The following ITFG1 variants were observed in gnomAD, a reference collection of about 807,000 sequenced individuals.
The protein encoded by ITFG1 is T-cell immunomodulatory protein.
A neutral mutation model predicts 81.8 loss-of-function variants in ITFG1; 34 were observed. The observed-to-expected ratio is 0.42, with a 90% confidence interval of 0.32 to 0.55. ITFG1 has a LOEUF of 0.55. Ranked by LOEUF, ITFG1 falls within the 20% of genes least tolerant of loss-of-function variation. The pLI, the probability that ITFG1 is intolerant of heterozygous loss-of-function variation, is 0.17. For missense variants in ITFG1, 672 were observed against 755.4 expected (o/e 0.89, Z 1.29); for synonymous variants, 285 against 270.6 (o/e 1.05, Z -0.52).
chr16:47,188,573 T>C (rs904197454), intron 14 of ITFG1, among the ~76,000 whole-genome samples: 1 of 127,400 alleles, frequency 7.8e-6, no homozygotes, highest in Non-Finnish European at 1.6e-5. Flanking sequence ...TGAGAACACA[T>C]GGACAGAGGA....
At chr16:47,285,171 C>A (rs950505379) in intron 10 of ITFG1, among the ~76,000 whole-genome samples, 4 of 152,242 alleles carry the variant, frequency 2.6e-5, no homozygotes, top group African/African-American at 9.6e-5. Flanking sequence ...CCTTTCTGAT[C>A]CTGGGTCTTA....
chr16:47,340,788 A>G (rs971697435), intron 8 of ITFG1, among the ~76,000 whole-genome samples: 4 of 152,224 alleles, frequency 2.6e-5, no homozygotes, highest in African/African-American at 7.2e-5. Context: ...CTCTACATAG[A>G]AAAACACAAA....
intron 13 of ITFG1, among the ~76,000 whole-genome samples, chr16:47,225,709 C>T (rs1306384859): frequency 6.6e-6 from 1 of 152,002 alleles, no homozygotes; most frequent in Non-Finnish European, 1.5e-5. Flanking sequence ...AAATATCCTT[C>T]AAAAATGGGG....
intron 16 of ITFG1, among the ~76,000 whole-genome samples, chr16:47,160,187 T>TAAAAAAA (rs34363166): frequency 8.7e-6 from 1 of 115,550 alleles, no homozygotes; most frequent in African/African-American, 3.2e-5. Flanking sequence ...AGTGTTTTGG[T>TAAAAAAA]AAAAAAAAAA....
Position 47,337,137 on chromosome 16 carries a change from CAAAAAAAA to C in ITFG1, c.803-23322_803-23315del, listed in dbSNP as rs5816576. On this transcript the variant is annotated intron_variant, in intron 8 of 17. Transcript: ENST00000320640. ...TGGGTGACAAGAGCGAACTCTGTCTCAAAAAAAAAAAAAAAAGAAAAAGAAAAAAAAAG... is the reference window on the plus strand; with the variant it reads ...TGGGTGACAAGAGCGAACTCTGTCTCAAAAAAAAGAAAAAGAAAAAAAAAG... 8.6e-5 allele frequency among the ~76,000 whole-genome samples: 7 copies of C among 81,090 alleles called. 1 individual carries two copies. In the East Asian group the frequency reaches 2.0e-3, roughly 23 times the overall value. 53.2% of individuals were successfully genotyped at this position (81,090 alleles called of 152,430 possible). A position where few individuals can be genotyped will look rare whatever the true frequency, so the allele number is the denominator to read the frequency against.
chr16:47,163,270 C>A (rs1428715485), intron 14 of ITFG1, among the ~76,000 whole-genome samples: 1 of 152,176 alleles, frequency 6.6e-6, no homozygotes, highest in Non-Finnish European at 1.5e-5. Flanking sequence ...AAAGAAACTC[C>A]ATACACATGA....
intron 8 of ITFG1, among the ~76,000 whole-genome samples, chr16:47,353,573 A>G (rs936965401): frequency 6.6e-6 from 1 of 152,152 alleles, no homozygotes. Context: ...AAAGATATTA[A>G]AAGATATTCA....
rs77785112 is a variant in ITFG1 at position 47,372,928 on chromosome 16, C to T, written c.720+2948G>A. 2.0e-5 allele frequency among the ~76,000 whole-genome samples: 3 copies of T among 152,264 alleles called. No homozygotes were observed. The East Asian group carries it at 5.8e-4, about 29-fold the overall frequency. ...TAAATTTACTATAAACTTTAATCTCCCTACGTCCAGATGTTGCATGCTAAC... is the reference window on the plus strand; with the variant it reads ...TAAATTTACTATAAACTTTAATCTCTCTACGTCCAGATGTTGCATGCTAAC... On this transcript the variant is annotated intron_variant, in intron 7 of 17. Transcript: ENST00000320640.
chr16:47,323,554 A>T (rs1441961163), intron 8 of ITFG1, among the ~76,000 whole-genome samples: 1 of 152,194 alleles, frequency 6.6e-6, no homozygotes, highest in African/African-American at 2.4e-5. Context: ...TTTCTTTCTA[A>T]ATTACCCAGT....
chr16:47,441,682 AAAT>A (rs1436068031), intron 5 of ITFG1, among the ~76,000 whole-genome samples: 1 of 151,876 alleles, frequency 6.6e-6, no homozygotes, highest in African/African-American at 2.4e-5. Flanking sequence ...ACATATCTCA[AAAT>A]AATAAGAGCT....
In ITFG1 at chr16:47,169,720, G is replaced by A. The variant is rs568782775; in HGVS notation, c.1454-7056C>T. ...TAAGTGTAGGAATTCCAGTAAAAAG[G>A]TGAATAGCAGGAGTGAAAGTGGGCA... On this transcript the variant is annotated intron_variant, in intron 14 of 17. Transcript: ENST00000320640. Among the ~76,000 whole-genome samples, 6 of 152,228 alleles carry A rather than the reference G, an allele frequency of 3.9e-5. No individual in the cohort carries two copies. The South Asian group carries it at 1.2e-3, about 32-fold the overall frequency.
intron 8 of ITFG1, among the ~76,000 whole-genome samples, chr16:47,353,799 CA>C (rs924449734): frequency 1.4e-4 from 21 of 151,344 alleles, no homozygotes; most frequent in African/African-American, 3.4e-4. Context: ...ACAATATTTA[CA>C]AAAAAAATAA....
At chr16:47,290,814 A>G (rs1025675337) in intron 10 of ITFG1, among the ~76,000 whole-genome samples, 7 of 152,120 alleles carry the variant, frequency 4.6e-5, no homozygotes, top group Non-Finnish European at 1.5e-5. Flanking sequence ...CAAGGTTATT[A>G]CTGATAGGTG....
rs771863037 is a variant in ITFG1 at position 47,162,594 on chromosome 16, G to A, written c.1524C>T (p.Ser508=). 5.6e-6 allele frequency: 9 copies of A among 1,611,886 alleles called. No individual in the cohort carries two copies. In the African/African-American group the frequency reaches 6.7e-5, roughly 12 times the overall value. The stretch of plus-strand genomic sequence containing the variant: ...CGTAGAGATGGTCAAGAAAATTTGC[G>A]CTCCGACCTAAACCAAGCACGTTGT... The part of the protein sequence containing the change: ...LPYNVLGLGR[S]ANFLDHLYVG... Residue 508 remains serine (S), a synonymous_variant, in exon 15 of 18, where the codon AGC becomes AGT. Transcript: ENST00000320640.
At chr16:47,186,235 A>G (rs1227406692) in intron 14 of ITFG1, among the ~76,000 whole-genome samples, 2 of 152,352 alleles carry the variant, frequency 1.3e-5, no homozygotes, top group East Asian at 3.9e-4. Flanking sequence ...ACAGAAAAAG[A>G]GGGAATCCTC....
At chr16:47,338,650 CTT>C (rs2151576565) in intron 8 of ITFG1, among the ~76,000 whole-genome samples, 1 of 151,148 alleles carries the variant, frequency 6.6e-6, no homozygotes, top group East Asian at 1.9e-4. Flanking sequence ...CAGACAAAAA[CTT>C]TACTTTTTTT....
chr16:47,167,238 T>C (rs1964903205), intron 14 of ITFG1, among the ~76,000 whole-genome samples: 1 of 152,154 alleles, frequency 6.6e-6, no homozygotes, highest in Non-Finnish European at 1.5e-5. Flanking sequence ...GTCATATAAG[T>C]TATAGTAAGT....
At position 47,307,093 on chromosome 16, in the gene ITFG1, C is replaced by CAAAAAAAAAAA. The variant is rs371103697; in HGVS notation, c.1070+4136_1070+4146dup. 2.2e-3 allele frequency among the ~76,000 whole-genome samples: 36 copies of CAAAAAAAAAAA among 16,472 alleles called. 10 individuals carry two copies. The highest frequency in any genetic ancestry group is 7.9e-3 in the African/African-American group (24 of 3,044). 10.8% of individuals were successfully genotyped at this position (16,472 alleles called of 152,430 possible). A position where few individuals can be genotyped will look rare whatever the true frequency, so the allele number is the denominator to read the frequency against. ...TGGGTGACAGAGCAAAACTCCGTCT[C>CAAAAAAAAAAA]AAAAAAAAAAAAAAAAAAAAAAAAA... On this transcript the variant is annotated intron_variant, in intron 10 of 17. Coordinates refer to ENST00000320640, the MANE Select transcript of ITFG1 (RefSeq NM_030790.5).
chr16:47,433,603 CTA>C (rs143885796), intron 5 of ITFG1, among the ~76,000 whole-genome samples: 5,992 of 151,704 alleles, frequency 0.039, 160 homozygotes, highest in Non-Finnish European at 0.062. Context: ...TACTTATTGC[CTA>C]TGTTTTGCTA....
Sources: gnomAD v4.1 joint callset for allele counts (sites outside exome capture counted in the v4.1 genomes callset) on GRCh38, gnomAD v4.1.1 for gene constraint, MANE v1.5 for transcripts, NCBI Gene and HGNC (gene_info 2026-07-23, HGNC 2026-07-21) for gene names.